Variants in NELL2 observed in about 807,000 individuals in gnomAD.
NELL2 encodes neural EGFL like 2, also known as protein kinase C-binding protein NELL2.
A neutral mutation model predicts 109.6 loss-of-function variants in NELL2; 41 were observed. The ratio of observed to expected loss-of-function variants is 0.37; its 90% CI spans 0.29 to 0.49. The LOEUF is 0.49. NELL2 is among the 20% of genes least tolerant of loss of function. The pLI is 0.98. For missense variants in NELL2, 900 were observed against 1,008.3 expected, an observed-to-expected ratio of 0.89 and a Z score of 1.45; for synonymous variants, 355 against 344.7, an observed-to-expected ratio of 1.03 and a Z score of -0.33.
rs540194165 is a variant in NELL2, at chr12:44,663,377, G to A, written c.1444+2107C>T. ...GTCATAATAGAGAGAAAATTTAAGG[G>A]CAAGAAAGTTTCTCCTCTTTAAGTG... On this transcript the variant is annotated intron_variant, in intron 13 of 19. Transcript: ENST00000429094. Among the ~76,000 whole-genome samples the A allele has an allele frequency of 6.6e-5, 10 of 152,210 alleles. No homozygotes were observed. In the South Asian group the frequency reaches 2.1e-3, roughly 32 times the overall value.
Position 44,774,779 on chromosome 12 carries a change from T to C in NELL2, c.962A>G (p.Tyr321Cys). 1 of 1,614,128 alleles carries C rather than the reference T, an allele frequency of 6.2e-7. No homozygotes were observed. The highest frequency in any genetic ancestry group is 1.1e-5 in the South Asian group (1 of 91,088). ...PDCPLKSALA[Y>C]VDGKCCKECK... ...TTCCTTACAGCATTTGCCATCCACA[T>C]ACGCAAGAGCCGACTTAAGTGGGCA... Residue 321 changes from tyrosine to cysteine, a missense_variant, in exon 9 of 20, where the codon TAT becomes TGT. Transcript: ENST00000429094.
chr12:44,890,159 C>T (rs1945517492), intron 1 of NELL2, among the ~76,000 whole-genome samples: 2 of 152,164 alleles, frequency 1.3e-5, no homozygotes, highest in Admixed American at 6.5e-5. Context: ...CTATCTCCAG[C>T]TTGACAGTCT....
chr12:44,766,917 A>C (rs1235643720), intron 9 of NELL2, among the ~76,000 whole-genome samples: 1 of 152,242 alleles, frequency 6.6e-6, no homozygotes, highest in Non-Finnish European at 1.5e-5. Context: ...CATGAAAAAT[A>C]ATAAAATCCA....
chr12:44,656,760 C>G (rs924784445), intron 13 of NELL2, among the ~76,000 whole-genome samples: 1 of 152,056 alleles, frequency 6.6e-6, no homozygotes, highest in African/African-American at 2.4e-5. Flanking sequence ...ATTTATATAC[C>G]AGTAATTATT....
intron 9 of NELL2, among the ~76,000 whole-genome samples, chr12:44,771,898 C>T (rs1941566636): frequency 6.6e-6 from 1 of 152,168 alleles, no homozygotes; most frequent in African/African-American, 2.4e-5. Flanking sequence ...AGGAAGAGCA[C>T]CAAAAAGTGA....
In NELL2 at chr12:44,774,740, T is replaced by G; in HGVS notation, c.994+7A>C. ...AAGAAAGTATTCATCATAAAAGTTATGCTCACATTTGCATTCCTTACAGCA... is the reference window on the plus strand; with the variant it reads ...AAGAAAGTATTCATCATAAAAGTTAGGCTCACATTTGCATTCCTTACAGCA... On this transcript the variant is annotated splice_region_variant and intron_variant, in intron 9 of 19. Transcript: ENST00000429094. 6.2e-7 allele frequency: 1 copy of G among 1,604,570 alleles called. No homozygotes were observed. Among genetic ancestry groups the G allele is most frequent in the Non-Finnish European group, 8.5e-7 (1 of 1,171,262 alleles).
At chr12:44,738,666 A>C (rs1015455954) in intron 9 of NELL2, among the ~76,000 whole-genome samples, 1 of 152,112 alleles carries the variant, frequency 6.6e-6, no homozygotes, top group Middle Eastern at 3.2e-3. Flanking sequence ...GTCAGGGGGA[A>C]GGAGAGGAAT....
At chr12:44,685,640 G>C (rs1312068235) in intron 12 of NELL2, among the ~76,000 whole-genome samples, 2 of 151,986 alleles carry the variant, frequency 1.3e-5, no homozygotes, top group Admixed American at 6.5e-5. Flanking sequence ...GCAACTGCTT[G>C]TCTGTAAAGG....
At chr12:44,912,068 G>A (rs977303458) in intron 1 of NELL2, among the ~76,000 whole-genome samples, 1 of 151,914 alleles carries the variant, frequency 6.6e-6, no homozygotes, top group Non-Finnish European at 1.5e-5. Flanking sequence ...CTGTCTATGT[G>A]TTGGGGGAGG....
chr12:44,807,789 T>C (rs1029648394), intron 3 of NELL2, among the ~76,000 whole-genome samples: 2 of 152,006 alleles, frequency 1.3e-5, no homozygotes, highest in Non-Finnish European at 2.9e-5. Context: ...AAAGAAATGA[T>C]ATGGCAACAC....
chr12:44,791,107 ATG>A (rs1491211896), intron 3 of NELL2, among the ~76,000 whole-genome samples: 140 of 22,446 alleles, frequency 6.2e-3, no homozygotes, highest in Non-Finnish European at 8.3e-3. Context: ...GTATATATAT[ATG>A]TATATATATA....
chr12:44,541,849 C>T (rs1023162279), intron 15 of NELL2, among the ~76,000 whole-genome samples: 4 of 152,158 alleles, frequency 2.6e-5, no homozygotes, highest in African/African-American at 9.6e-5. Context: ...AATATTACTG[C>T]TATCCCCATT....
intron 12 of NELL2, among the ~76,000 whole-genome samples, chr12:44,688,447 T>G (rs1208007834): frequency 1.3e-5 from 2 of 152,246 alleles, no homozygotes; most frequent in African/African-American, 4.8e-5. Context: ...ACTGACTTAT[T>G]TTTCTGGAAG....
intron 15 of NELL2, among the ~76,000 whole-genome samples, chr12:44,543,862 A>G (rs1942682164): frequency 6.6e-6 from 1 of 152,106 alleles, no homozygotes. Context: ...TCATTTGTGC[A>G]TCTTAATTTC....
chr12:44,905,870 T>C (rs1279590062), intron 1 of NELL2, among the ~76,000 whole-genome samples: 2 of 152,034 alleles, frequency 1.3e-5, no homozygotes, highest in Non-Finnish European at 2.9e-5. Context: ...ACAGACACTA[T>C]TAATATATTA....
In NELL2 at chr12:44,774,518, C is replaced by T; in HGVS notation, c.994+229G>A. Reference sequence around the variant, plus strand: ...TTACACATGTTTCCTACTACTATCACTATATGGAATAGATTACTCCAAGAA... The same window carrying T: ...TTACACATGTTTCCTACTACTATCATTATATGGAATAGATTACTCCAAGAA... On this transcript the variant is annotated intron_variant, in intron 9 of 19. Transcript: ENST00000429094. 8.5e-6 allele frequency: 4 copies of T among 470,010 alleles called. No homozygotes were observed. The South Asian group carries it at 1.1e-4, about 13-fold the overall frequency. 29.1% of individuals were successfully genotyped at this position (470,010 alleles called of 1,614,324 possible).
chr12:44,918,531 G>A (rs1459429350), upstream of NELL2, among the ~76,000 whole-genome samples: 1 of 148,442 alleles, frequency 6.7e-6, no homozygotes, highest in Non-Finnish European at 1.5e-5. Context: ...GTGTGTGTGT[G>A]TGTGTGTGTG....
intron 1 of NELL2, among the ~76,000 whole-genome samples, chr12:44,882,387 C>A (rs997365258): frequency 6.7e-6 from 1 of 150,134 alleles, no homozygotes; most frequent in Non-Finnish European, 1.5e-5. Flanking sequence ...TACATACATA[C>A]GTGTATACAT....
chr12:44,739,041 C>A (rs184499030), intron 9 of NELL2, among the ~76,000 whole-genome samples: 3 of 151,786 alleles, frequency 2.0e-5, no homozygotes, highest in East Asian at 1.9e-4. Context: ...ACCATTCACA[C>A]ACATCCATAC....
Sources: gnomAD v4.1 joint callset for allele counts (sites outside exome capture counted in the v4.1 genomes callset) on GRCh38, gnomAD v4.1.1 for gene constraint, MANE v1.5 for transcripts, NCBI Gene and HGNC (gene_info 2026-07-23, HGNC 2026-07-21) for gene names.